The following ELP3 variants were observed in gnomAD, a reference collection of about 807,000 sequenced individuals.
The protein encoded by ELP3 is elongator complex protein 3.
Under a neutral mutation model 74.9 loss-of-function variants are expected in ELP3, and 56 were observed. The ratio of observed to expected loss-of-function variants is 0.75; its 90% CI spans 0.60 to 0.93. The LOEUF (loss-of-function observed/expected upper bound fraction) is 0.93, where lower values mean the gene tolerates loss of function less well. ELP3 is among the 40% of genes least tolerant of loss of function. The pLI, the probability that ELP3 is intolerant of heterozygous loss-of-function variation, is 0.00. For synonymous variants in ELP3, 222 were observed against 239.8 expected (o/e 0.93, Z 0.68); for missense variants, 573 against 686.5 (o/e 0.83, Z 1.85).
At chr8:28,174,439 T>C (rs1047318007) in intron 14 of ELP3, among the ~76,000 whole-genome samples, 1 of 152,144 alleles carries the variant, frequency 6.6e-6, no homozygotes, top group Non-Finnish European at 1.5e-5. Context: ...AGTTGTTTTC[T>C]TAGTGGTTAC....
At chr8:28,175,300 C>T (rs921546133) in intron 14 of ELP3, among the ~76,000 whole-genome samples, 3 of 152,066 alleles carry the variant, frequency 2.0e-5, no homozygotes, top group African/African-American at 4.8e-5. Flanking sequence ...GTATCCCCCA[C>T]GTCTTTTATT....
At chr8:28,143,460 A>G (rs1563271061) in intron 10 of ELP3, among the ~76,000 whole-genome samples, 1 of 152,226 alleles carries the variant, frequency 6.6e-6, no homozygotes, top group African/African-American at 2.4e-5. Flanking sequence ...TTTTCCAAAA[A>G]TTTCCTTACA....
intron 7 of ELP3, among the ~76,000 whole-genome samples, chr8:28,116,465 C>T (rs1029837983): frequency 3.9e-5 from 6 of 152,172 alleles, no homozygotes; most frequent in Admixed American, 2.6e-4. Context: ...AGAGGCCGGG[C>T]GTAGTGGCTC....
intron 11 of ELP3, among the ~76,000 whole-genome samples, chr8:28,156,422 T>A (rs577784055): frequency 6.6e-6 from 1 of 152,318 alleles, no homozygotes; most frequent in Admixed American, 6.5e-5. Context: ...AAAACTGCTA[T>A]TGCCCCACAT....
intron 1 of ELP3, chr8:28,093,472 A>C (rs897224315): frequency 3.2e-5 from 19 of 589,756 alleles, no homozygotes; most frequent in African/African-American, 2.6e-4. Context: ...TCTTGTTTGA[A>C]TGGCAGGGAA....
At chr8:28,109,664 G>A (rs1170112712) in intron 5 of ELP3, among the ~76,000 whole-genome samples, 1 of 152,164 alleles carries the variant, frequency 6.6e-6, no homozygotes, top group East Asian at 1.9e-4. Flanking sequence ...TTGGGTTTAT[G>A]TACACCTGAT....
intron 2 of ELP3, 66 bp downstream of exon 2, chr8:28,097,384 A>G (rs1811293358): frequency 2.0e-5 from 21 of 1,035,954 alleles, no homozygotes; most frequent in Non-Finnish European, 2.4e-5. Flanking sequence ...GAAATTATCT[A>G]GTACTACTTG....
chr8:28,171,104 G>A (rs113133661), intron 14 of ELP3, among the ~76,000 whole-genome samples: 318 of 152,142 alleles, frequency 2.1e-3, no homozygotes, highest in Non-Finnish European at 3.4e-3. Context: ...TAGACATTTC[G>A]GTTGTTTCCA....
intron 14 of ELP3, among the ~76,000 whole-genome samples, chr8:28,188,198 G>A (rs1305977380): frequency 6.6e-6 from 1 of 152,178 alleles, no homozygotes; most frequent in African/African-American, 2.4e-5. Flanking sequence ...TTTGAGGAAT[G>A]CGTCCAATAT....
chr8:28,138,190 A>T (rs1813070840), intron 10 of ELP3, among the ~76,000 whole-genome samples: 1 of 152,136 alleles, frequency 6.6e-6, no homozygotes, highest in Non-Finnish European at 1.5e-5. Context: ...TTCCTCTTCC[A>T]GGTCTGCTTC....
At chr8:28,170,598 T>C (rs1357669396) in intron 14 of ELP3, among the ~76,000 whole-genome samples, 2 of 152,182 alleles carry the variant, frequency 1.3e-5, no homozygotes, top group Non-Finnish European at 2.9e-5. Context: ...CATAGAAGCC[T>C]GGTTTTGGGC....
intron 3 of ELP3, among the ~76,000 whole-genome samples, chr8:28,102,772 C>T (rs1027105379): frequency 5.9e-5 from 9 of 152,176 alleles, no homozygotes; most frequent in Admixed American, 5.9e-4. Context: ...CCTGTACATA[C>T]ATTAGAATAC....
chr8:28,177,060 A>C (rs959874359), intron 14 of ELP3, among the ~76,000 whole-genome samples: 1 of 152,210 alleles, frequency 6.6e-6, no homozygotes, highest in Non-Finnish European at 1.5e-5. Flanking sequence ...CTTTGTTCTT[A>C]TCTTGGTAGC....
chr8:28,155,504 C>T (rs1425079239), intron 10 of ELP3, among the ~76,000 whole-genome samples: 1 of 152,164 alleles, frequency 6.6e-6, no homozygotes, highest in Non-Finnish European at 1.5e-5. Flanking sequence ...CTAAGGCAGG[C>T]GTTTGAGCAT....
chr8:28,185,520 C>T (rs965368796), intron 14 of ELP3, among the ~76,000 whole-genome samples: 6 of 152,344 alleles, frequency 3.9e-5, no homozygotes, highest in South Asian at 4.1e-4. Flanking sequence ...GACAGACCTG[C>T]GCAGTGTGAT....
intron 14 of ELP3, among the ~76,000 whole-genome samples, chr8:28,166,715 T>A (rs933106918): frequency 2.0e-5 from 3 of 152,212 alleles, no homozygotes; most frequent in Non-Finnish European, 4.4e-5. Context: ...GAAACGGAGA[T>A]CTCTGATGTC....
intron 14 of ELP3, among the ~76,000 whole-genome samples, chr8:28,174,352 C>T (rs937079094): frequency 6.6e-6 from 1 of 152,148 alleles, no homozygotes; most frequent in Admixed American, 6.5e-5. Flanking sequence ...TAATGGTCTT[C>T]TGTCTCTTGT....
At chr8:28,134,669 T>C (rs1180015896) in intron 9 of ELP3, among the ~76,000 whole-genome samples, 2 of 152,224 alleles carry the variant, frequency 1.3e-5, no homozygotes, top group African/African-American at 4.8e-5. Flanking sequence ...TCAAAGTAAT[T>C]AATCTTCAAA....
chr8:28,163,382 A>G (rs1814178415), intron 14 of ELP3, among the ~76,000 whole-genome samples: 3 of 152,214 alleles, frequency 2.0e-5, no homozygotes, highest in South Asian at 4.1e-4. Flanking sequence ...TTTTAAAAAA[A>G]AATAAGTTGT....
Sources: gnomAD v4.1 joint callset for allele counts (sites outside exome capture counted in the v4.1 genomes callset) on GRCh38, gnomAD v4.1.1 for gene constraint, MANE v1.5 for transcripts, NCBI Gene and HGNC (gene_info 2026-07-23, HGNC 2026-07-21) for gene names.